USP35: variants seen among roughly 807,000 people sequenced by gnomAD.
The protein encoded by USP35 is ubiquitin specific peptidase 35.
A neutral mutation model predicts 83.8 loss-of-function variants in USP35; 69 were observed. That is an observed-to-expected ratio of 0.82 (90% confidence interval 0.68 to 1.01). The LOEUF is 1.01. Ranked by LOEUF, USP35 falls within the 50% of genes least tolerant of loss-of-function variation. The pLI is 0.00. For synonymous variants in USP35, 714 were observed against 589.5 expected (o/e 1.21, Z -3.06); for missense variants, 1,503 against 1,362.5 (o/e 1.10, Z -1.62).
At chr11:78,220,548 C>T in the USP35 span, 1 of 932,800 alleles carries the variant, frequency 1.1e-6, no homozygotes, top group East Asian at 2.5e-5. Context: ...CTGAGCCCTA[C>T]TCTGACACAT....
the USP35 span, chr11:78,222,313 A>G: frequency 4.9e-5 from 34 of 694,742 alleles, no homozygotes; most frequent in East Asian, 9.0e-4. Context: ...CCAGTTTCAC[A>G]CAGGGAAACT....
Position 78,198,117 on chromosome 11 carries a change from C to T in USP35, c.806+49C>T, listed in dbSNP as rs567994637. On this transcript the variant is annotated intron_variant, in intron 3 of 10. Transcript: ENST00000529308. The stretch of plus-strand genomic sequence containing the variant: ...GATCAGGGCTGGGGCCCCTCCCTCT[C>T]TTCCTCTCAGAAGCCCCTTCTCCTG... 123 of 1,610,196 alleles carry T rather than the reference C, an allele frequency of 7.6e-5. 2 individuals carry two copies. In the South Asian group the frequency reaches 1.3e-3, roughly 17 times the overall value.
At position 78,192,309 on chromosome 11, in the gene USP35, C is replaced by T. The variant is rs377737856; in HGVS notation, c.-11+3152C>T. Among the ~76,000 whole-genome samples the T allele has an allele frequency of 1.2e-3, 177 of 152,338 alleles. 3 individuals are homozygous for T. In the South Asian group the frequency reaches 0.014, roughly 12 times the overall value. ...AGCCAGCATGGACAGGCCATCTCCTCACCCGGGGCTTAGCAGGCTAATCCA... is the reference window on the plus strand; with the variant it reads ...AGCCAGCATGGACAGGCCATCTCCTTACCCGGGGCTTAGCAGGCTAATCCA... On this transcript the variant is annotated intron_variant, in intron 1 of 10. Coordinates refer to ENST00000529308, the MANE Select transcript of USP35 (RefSeq NM_020798.4).
rs2134427648 is a variant in USP35 at position 78,213,989 on chromosome 11, C to T, written c.*176C>T. ...AGATATGGAAGTAAGACCTAAGTCC[C>T]TTTCATTGGGGATCAGTCCCATTAA... On this transcript the variant is annotated 3_prime_UTR_variant, in exon 11 of 11. Transcript: ENST00000529308. 3.0e-6 allele frequency: 2 copies of T among 664,796 alleles called. No individual in the cohort carries two copies. Among genetic ancestry groups the T allele is most frequent in the East Asian group, 3.5e-5 (1 of 28,722 alleles). The allele number at this position is 664,796 out of a possible 1,614,324, so 41.2% of individuals were successfully genotyped here. A position where few individuals can be genotyped will look rare whatever the true frequency, so the allele number is the denominator to read the frequency against.
intron 6 of USP35, among the ~76,000 whole-genome samples, chr11:78,205,548 C>A (rs1200825868): frequency 1.3e-5 from 2 of 152,160 alleles, no homozygotes; most frequent in African/African-American, 2.4e-5. Context: ...TGACAGCGAC[C>A]CTGGACAATT....
At chr11:78,233,632 T>C in the USP35 span, among the ~76,000 whole-genome samples, 1 of 152,136 alleles carries the variant, frequency 6.6e-6, no homozygotes, top group South Asian at 2.1e-4. Flanking sequence ...AGATGGAGTC[T>C]TGCTCACTCT....
Position 78,199,718 on chromosome 11 carries a change from T to C in USP35, c.930T>C (p.Ile310=). 6.2e-7 allele frequency: 1 copy of C among 1,614,178 alleles called. No homozygotes were observed. The highest frequency in any genetic ancestry group is 8.5e-7 in the Non-Finnish European group (1 of 1,180,018). ...SILIEVSLTK[I]EKVFSKLLYP... ...TGATCGAGGTTTCGCTCACCAAAAT[T>C]GAGAAGGTTGGTGCCCCTGTCCTAG... The change falls in exon 4 of 11, where the codon ATT becomes ATC. Residue 310 remains isoleucine, a synonymous_variant. Transcript: ENST00000529308.
Position 78,189,129 on chromosome 11 carries a change from G to A in USP35, c.-39G>A. 1.3e-5 allele frequency: 3 copies of A among 229,264 alleles called. No individual in the cohort carries two copies. Among genetic ancestry groups the A allele is most frequent in the Non-Finnish European group, 2.2e-5 (3 of 138,412 alleles). 14.2% of individuals were successfully genotyped at this position (229,264 alleles called of 1,614,324 possible). The stretch of plus-strand genomic sequence containing the variant: ...CCCGGCCTGAGCGCCCCGCCCAGCA[G>A]CCGGCTCTGGCCCACCGGGGTCCGG... On this transcript the variant is annotated 5_prime_UTR_variant, in exon 1 of 11. Coordinates refer to ENST00000529308, the MANE Select transcript of USP35 (RefSeq NM_020798.4).
chr11:78,198,703 A>G (rs1194867907), intron 3 of USP35: 1 of 985,124 alleles, frequency 1.0e-6, no homozygotes, highest in Non-Finnish European at 1.2e-6. Flanking sequence ...AGTGGGTAAG[A>G]GTGTGGGCTC....
chr11:78,217,296 C>G (rs114374720), downstream of USP35: 1 of 152,240 alleles, frequency 6.6e-6, no homozygotes, highest in African/African-American at 2.4e-5. Context: ...CTGATTGATT[C>G]TTGTGTCCTT....
the USP35 span, among the ~76,000 whole-genome samples, chr11:78,224,007 G>A: frequency 6.6e-6 from 1 of 152,146 alleles, no homozygotes; most frequent in Non-Finnish European, 1.5e-5. Context: ...GCTTGAAGCT[G>A]GGAGGCCAAG....
chr11:78,209,944 G>T lies in USP35; in HGVS notation c.2089G>T (p.Glu697Ter), dbSNP rs775277374. The change falls in exon 10 of 11, where the codon GAG (glutamate) becomes TAG (stop). Residue 697 changes from glutamate (E) to a stop codon, truncating the protein, a stop_gained. Transcript: ENST00000529308. LOFTEE classifies it high-confidence loss of function. ...GGAGAAGGAAGAAGTGGGGGAGGAG[G>T]AGGAAAGCACCAGAGGGGAAGGAGA... ...RTEKEEVGEE[E>*]ESTRGEGERE... The T allele has an allele frequency of 1.9e-6, 3 of 1,608,192 alleles. No individual in the cohort carries two copies. Among genetic ancestry groups the T allele is most frequent in the Non-Finnish European group, 2.5e-6 (3 of 1,177,016 alleles).
rs199841186 is a variant in USP35 at position 78,198,370 on chromosome 11, G to GTGGCATAAGAAGC, written c.806+304_806+305insGCATAAGAAGCTG. On this transcript the variant is annotated intron_variant, in intron 3 of 10. Coordinates refer to ENST00000529308, the MANE Select transcript of USP35 (RefSeq NM_020798.4). ...CCCTCTGTAAAAGCAGAGGTGGGTG[G>GTGGCATAAGAAGC]TGTCAGGCGTCCTTGGGGTTGGGTA... Among the ~76,000 whole-genome samples, 1,244 of 152,352 alleles carry GTGGCATAAGAAGC rather than the reference G, an allele frequency of 8.2e-3. 12 individuals carry two copies. Among genetic ancestry groups the GTGGCATAAGAAGC allele is most frequent in the African/African-American group, 0.028 (1,183 of 41,592 alleles).
At position 78,213,775 on chromosome 11, in the gene USP35, G is replaced by T. The variant is rs200730518; in HGVS notation, c.3019G>T (p.Gly1007Cys). The change falls in exon 11 of 11, where the codon GGT becomes TGT. Residue 1007 changes from glycine to cysteine, a missense_variant. By Grantham distance (159) the Gly-to-Cys change is radical. Coordinates refer to ENST00000529308, the MANE Select transcript of USP35 (RefSeq NM_020798.4). Reference protein sequence around the residue: ...EGSPGGCNPAGGNGGDFHRLV... With the variant: ...EGSPGGCNPACGNGGDFHRLV... ...CTCTCCAGGGGGCTGCAATCCTGCA[G>T]GTGGCAATGGTGGTGACTTCCACAG... 1.2e-4 allele frequency: 186 copies of T among 1,549,280 alleles called. No individual in the cohort carries two copies. Among genetic ancestry groups the T allele is most frequent in the Non-Finnish European group, 1.5e-4 (179 of 1,156,322 alleles).
chr11:78,196,896 GTT>G lies in USP35; in HGVS notation c.652_653del (p.Phe218ArgfsTer13), dbSNP rs1412507586. On this transcript the variant is annotated frameshift_variant, in exon 2 of 11. Coordinates refer to ENST00000529308, the MANE Select transcript of USP35 (RefSeq NM_020798.4). LOFTEE classifies it high-confidence loss of function. This position sits in a 1 kb window ranked among gnomAD's most constrained non-coding sequence, Gnocchi z 4.8. ...CCATCCTGCCCTGCCTCAAAGAGCT[GTT>G]CGCAGTCATCTCCTGCGCAGGTGCG... ...AAILPCLKEL[F>X]AVISCAEEEP... 1 of 1,471,390 alleles carries G rather than the reference GTT, an allele frequency of 6.8e-7. No individual in the cohort carries two copies. The highest frequency in any genetic ancestry group is 9.0e-7 in the Non-Finnish European group (1 of 1,114,800). 91.1% of individuals were successfully genotyped at this position (1,471,390 alleles called of 1,614,324 possible). A position where few individuals can be genotyped will look rare whatever the true frequency, so the allele number is the denominator to read the frequency against.
intron 10 of USP35, 105 bp downstream of exon 10, chr11:78,210,849 C>A: frequency 8.0e-7 from 1 of 1,245,470 alleles, no homozygotes; most frequent in Non-Finnish European, 1.1e-6. Context: ...TTTTGTAAAT[C>A]CCATTCATCT....
Position 78,196,554 on chromosome 11 carries a change from C to T in USP35, c.309C>T (p.Cys103=). 1.6e-6 allele frequency: 2 copies of T among 1,240,604 alleles called. No individual in the cohort carries two copies. Among genetic ancestry groups the T allele is most frequent in the Admixed American group, 4.2e-5 (1 of 23,856 alleles). The allele number at this position is 1,240,604 out of a possible 1,614,324, so 76.8% of individuals were successfully genotyped here. Residue 103 remains cysteine, a synonymous_variant, in exon 2 of 11, where the codon TGC becomes TGT. Coordinates refer to ENST00000529308, the MANE Select transcript of USP35 (RefSeq NM_020798.4). This position sits in a 1 kb window ranked among gnomAD's most constrained non-coding sequence, Gnocchi z 4.8. ...AGPPGPRALA[C]VQLGLQLLPE... ...CCCCGGGCCCCCGCGCGCTCGCCTGCGTGCAGCTGGGTCTGCAGCTGCTGC... is the reference window on the plus strand; with the variant it reads ...CCCCGGGCCCCCGCGCGCTCGCCTGTGTGCAGCTGGGTCTGCAGCTGCTGC...
In USP35 at chr11:78,196,424, TGG is replaced by T; in HGVS notation, c.181_182del (p.Gly61LeufsTer170). 1 of 1,291,464 alleles carries T rather than the reference TGG, an allele frequency of 7.7e-7. No individual in the cohort carries two copies. Among genetic ancestry groups the T allele is most frequent in the Non-Finnish European group, 9.8e-7 (1 of 1,022,238 alleles). 80.0% of individuals were successfully genotyped at this position (1,291,464 alleles called of 1,614,324 possible). A position where few individuals can be genotyped will look rare whatever the true frequency, so the allele number is the denominator to read the frequency against. On this transcript the variant is annotated frameshift_variant, in exon 2 of 11. Coordinates refer to ENST00000529308, the MANE Select transcript of USP35 (RefSeq NM_020798.4). LOFTEE classifies it high-confidence loss of function. The surrounding 1 kb of genome is among the most constrained non-coding windows in gnomAD (Gnocchi z 4.8). The stretch of plus-strand genomic sequence containing the variant: ...GGCGCGGAGGAGCTGCCGCGCCGCG[TGG>T]GCTGCCAGCTGCTGCACGTGGCCGG...
chr11:78,210,416 CTG>C lies in USP35; in HGVS notation c.2562_2563del (p.Gly855SerfsTer14), dbSNP rs1269561752. ...GACCTCTGCAGTGTGGTGGTGCACT[CTG>C]GAGTGTCTTCGGAGAGTGGTCACTA... On this transcript the variant is annotated frameshift_variant, in exon 10 of 11. Coordinates refer to ENST00000529308, the MANE Select transcript of USP35 (RefSeq NM_020798.4). LOFTEE classifies it high-confidence loss of function. 6.2e-7 allele frequency: 1 copy of C among 1,614,076 alleles called. No individual in the cohort carries two copies. Among genetic ancestry groups the C allele is most frequent in the Admixed American group, 1.7e-5 (1 of 60,034 alleles).
Sources: allele counts gnomAD v4.1 joint callset (sites outside exome capture counted in the v4.1 genomes callset), GRCh38; gene constraint gnomAD v4.1.1; non-coding constraint Gnocchi (gnomAD v3.1); transcripts MANE v1.5; gene names NCBI Gene and HGNC (gene_info 2026-07-23, HGNC 2026-07-21).